FRMPD2: variants seen among roughly 807,000 people sequenced by gnomAD.
FRMPD2 encodes FERM and PDZ domain containing 2, also known as FERM and PDZ domain-containing protein 2.
FRMPD2 carries 96 observed loss-of-function variants against 140.1 expected under a neutral mutation model. The observed-to-expected ratio is 0.69, with a 90% CI of 0.58 to 0.81. The LOEUF (loss-of-function observed/expected upper bound fraction) is 0.81. FRMPD2 is among the 40% of genes least tolerant of loss of function. The pLI is 0.00. For missense variants in FRMPD2, 1,240 were observed against 1,447.4 expected, an observed-to-expected ratio of 0.86 and a Z score of 2.32; for synonymous variants, 449 against 547.6, an observed-to-expected ratio of 0.82 and a Z score of 2.52.
intron 13 of FRMPD2, among the ~76,000 whole-genome samples, chr10:48,209,246 A>G (rs1026020550): frequency 3.3e-5 from 5 of 152,346 alleles, no homozygotes; most frequent in African/African-American, 1.2e-4. Context: ...CAATAGCAAG[A>G]AAAAAATCTT....
At chr10:48,203,774 C>A (rs905588002) in intron 14 of FRMPD2, among the ~76,000 whole-genome samples, 1 of 152,164 alleles carries the variant, frequency 6.6e-6, no homozygotes, top group Non-Finnish European at 1.5e-5. Context: ...GGAGCCCTGG[C>A]AATGCATTCA....
chr10:48,268,048 A>T (rs1840707621), intron 1 of FRMPD2, among the ~76,000 whole-genome samples: 1 of 152,246 alleles, frequency 6.6e-6, no homozygotes, highest in Admixed American at 6.5e-5. Flanking sequence ...CAGAAAGCAA[A>T]CAATCCAATT....
chr10:48,230,960 A>G (rs1474148774), intron 10 of FRMPD2, among the ~76,000 whole-genome samples: 2 of 152,212 alleles, frequency 1.3e-5, no homozygotes. Context: ...TATGAAACAG[A>G]ACAATGAACT....
chr10:48,249,940 A>T (rs1840336284), intron 2 of FRMPD2, among the ~76,000 whole-genome samples: 1 of 152,108 alleles, frequency 6.6e-6, no homozygotes, highest in African/African-American at 2.4e-5. Flanking sequence ...AGGAGGCCTT[A>T]TCTCTCCCAC....
chr10:48,235,684 C>A (rs1839951625), intron 9 of FRMPD2, among the ~76,000 whole-genome samples: 1 of 152,204 alleles, frequency 6.6e-6, no homozygotes, highest in Non-Finnish European at 1.5e-5. Context: ...GCGCTTCCAG[C>A]CCTGGGGGTT....
At chr10:48,243,269 C>A (rs1248072708) in intron 4 of FRMPD2, among the ~76,000 whole-genome samples, 4 of 152,204 alleles carry the variant, frequency 2.6e-5, no homozygotes, top group Non-Finnish European at 2.9e-5. Context: ...CCTTGGGAAG[C>A]ACAGGCCATG....
At chr10:48,177,279 T>G (rs527238356) in intron 22 of FRMPD2, 1 of 151,744 alleles carries the variant, frequency 6.6e-6, no homozygotes, top group African/African-American at 2.4e-5. Flanking sequence ...AGCTAATTTT[T>G]TTTTTTATTT....
intron 1 of FRMPD2, among the ~76,000 whole-genome samples, chr10:48,254,759 AAGTGACTTGGCC>A: frequency 6.6e-6 from 1 of 152,372 alleles, no homozygotes; most frequent in Middle Eastern, 3.4e-3. Context: ...CAAAGAGGTT[AAGTGACTTGGCC>A]AGTGTCACAC....
chr10:48,167,683 G>C (rs1838132365), intron 27 of FRMPD2, among the ~76,000 whole-genome samples: 1 of 149,780 alleles, frequency 6.7e-6, no homozygotes, highest in Non-Finnish European at 1.5e-5. Flanking sequence ...CATGGCAATG[G>C]GTAATTGTAT....
At chr10:48,266,353 C>A (rs1371384436) in intron 1 of FRMPD2, among the ~76,000 whole-genome samples, 2 of 152,056 alleles carry the variant, frequency 1.3e-5, no homozygotes, top group African/African-American at 4.8e-5. Flanking sequence ...TGCACATGTA[C>A]CCCTGTACCT....
chr10:48,222,079 T>C (rs1469065719), intron 12 of FRMPD2, among the ~76,000 whole-genome samples: 2 of 150,610 alleles, frequency 1.3e-5, no homozygotes, highest in Non-Finnish European at 3.0e-5. Context: ...GATGGAATGA[T>C]AGACAGGTGA....
chr10:48,243,881 G>A (rs944030101), intron 4 of FRMPD2, among the ~76,000 whole-genome samples: 12 of 152,168 alleles, frequency 7.9e-5, no homozygotes, highest in African/African-American at 2.9e-4. Flanking sequence ...GTGTTCTTGT[G>A]GCACCAGTCT....
intron 1 of FRMPD2, among the ~76,000 whole-genome samples, chr10:48,260,179 A>G (rs1483745527): frequency 6.6e-6 from 1 of 151,988 alleles, no homozygotes; most frequent in Non-Finnish European, 1.5e-5. Context: ...AGATAGATCT[A>G]TATATATATG....
At chr10:48,218,375 A>AT (rs1478418405) in intron 12 of FRMPD2, among the ~76,000 whole-genome samples, 2 of 152,160 alleles carry the variant, frequency 1.3e-5, no homozygotes, top group African/African-American at 2.4e-5. Context: ...TTCACCAATG[A>AT]TGTAGCATCT....
At chr10:48,215,809 TA>T (rs1839433378) in intron 12 of FRMPD2, among the ~76,000 whole-genome samples, 2 of 152,178 alleles carry the variant, frequency 1.3e-5, no homozygotes, top group Admixed American at 6.5e-5. Context: ...GAAAGCACCA[TA>T]ATGGAGTGTT....
At chr10:48,235,749 G>T (rs908977660) in intron 9 of FRMPD2, among the ~76,000 whole-genome samples, 2 of 152,216 alleles carry the variant, frequency 1.3e-5, no homozygotes, top group African/African-American at 4.8e-5. Flanking sequence ...AGAAGCTCTC[G>T]GCCCCAACTG....
chr10:48,260,440 C>T (rs943813555), intron 1 of FRMPD2, among the ~76,000 whole-genome samples: 1 of 152,134 alleles, frequency 6.6e-6, no homozygotes, highest in Non-Finnish European at 1.5e-5. Flanking sequence ...ATGAGTGTCT[C>T]CTTCCTGTGT....
chr10:48,163,259 T>G lies in FRMPD2; in HGVS notation c.3881+69A>C, dbSNP rs562719395. 45 of 974,470 alleles carry G rather than the reference T, an allele frequency of 4.6e-5. 1 individual carries two copies. The Admixed American group carries it at 5.6e-4, about 12-fold the overall frequency. The allele number at this position is 974,470 out of a possible 1,614,324, so 60.4% of individuals were successfully genotyped here. On this transcript the variant is annotated intron_variant, in intron 28 of 28. Coordinates refer to ENST00000374201, the MANE Select transcript of FRMPD2 (RefSeq NM_001018071.4). ...TCATCCAAGCATAGTTATTGATGGC[T>G]TGATTACAATTTCCTAGCAATGAGA...
At chr10:48,181,871 A>ATATATATATATATATATATG (rs1838558707) in intron 20 of FRMPD2, among the ~76,000 whole-genome samples, 1 of 56,026 alleles carries the variant, frequency 1.8e-5, no homozygotes, top group African/African-American at 6.8e-5. Flanking sequence ...ATATATATAT[A>ATATATATATATATATATATG]TATATATGGC....
Sources: allele counts gnomAD v4.1 joint callset (sites outside exome capture counted in the v4.1 genomes callset), GRCh38; gene constraint gnomAD v4.1.1; transcripts MANE v1.5; gene names NCBI Gene and HGNC (gene_info 2026-07-23, HGNC 2026-07-21).